SAR1B: variants seen among roughly 807,000 people sequenced by gnomAD.
SAR1B encodes small COPII coat GTPase SAR1B.
A neutral mutation model predicts 26.8 loss-of-function variants in SAR1B; 23 were observed. The ratio of observed to expected loss-of-function variants is 0.86; its 90% CI spans 0.62 to 1.22. The LOEUF (loss-of-function observed/expected upper bound fraction) is 1.22, where lower values mean the gene tolerates loss of function less well. SAR1B is among the 50% of genes most tolerant of loss of function. The pLI is 0.00. For synonymous variants in SAR1B, 65 were observed against 80.8 expected, an observed-to-expected ratio of 0.80 and a Z score of 1.05; for missense variants, 196 against 232.8, an observed-to-expected ratio of 0.84 and a Z score of 1.03.
chr5:134,605,463 TAG>T lies in SAR1B; in HGVS notation c.*1485_*1486del, dbSNP rs1765109217. The T allele has an allele frequency of 6.6e-6, 1 of 152,008 alleles. No individual in the cohort carries two copies. The allele number at this position is 152,008 out of a possible 1,614,324, so 9.4% of individuals were successfully genotyped here. The stretch of plus-strand genomic sequence containing the variant: ...AAAACTAAAATTTTCTTAGTAAGCC[TAG>T]CAATGAGGCTTGCAGGCCCTATCAC... On this transcript the variant is annotated 3_prime_UTR_variant, in exon 7 of 7. Coordinates refer to ENST00000402673, the MANE Select transcript of SAR1B (RefSeq NM_016103.4).
chr5:134,623,504 T>TAAAAAAAA (rs62986962), intron 2 of SAR1B, among the ~76,000 whole-genome samples: 4 of 137,866 alleles, frequency 2.9e-5, no homozygotes, highest in Admixed American at 7.5e-5. Flanking sequence ...TCTATAAAAT[T>TAAAAAAAA]AAAAAAAAAA....
chr5:134,627,813 T>C (rs1474083545), intron 1 of SAR1B, among the ~76,000 whole-genome samples: 1 of 127,480 alleles, frequency 7.8e-6, no homozygotes, highest in Non-Finnish European at 1.6e-5. Flanking sequence ...AATAAATAAA[T>C]AAATAAATAA....
Position 134,606,717 on chromosome 5 carries a change from A to G in SAR1B, c.*233T>C. 4.2e-6 allele frequency: 2 copies of G among 476,774 alleles called. No homozygotes were observed. The highest frequency in any genetic ancestry group is 2.1e-5 in the South Asian group (1 of 47,368). 29.5% of individuals were successfully genotyped at this position (476,774 alleles called of 1,614,324 possible). A position where few individuals can be genotyped will look rare whatever the true frequency, so the allele number is the denominator to read the frequency against. On this transcript the variant is annotated 3_prime_UTR_variant, in exon 7 of 7. Transcript: ENST00000402673. ...TGGCGCTGGGGTGATGTCAGATTAT[A>G]AACTGTAAAAACCAAGTACTTTTAT...
At position 134,608,353 on chromosome 5, in the gene SAR1B, ATT is replaced by A. The variant is rs199526981; in HGVS notation, c.480+17_480+18del. ...TGTAGAATTAAACACACCCATCATA[ATT>A]TTTTTTTTTTTTTTACCTTTCCTGT... On this transcript the variant is annotated intron_variant, in intron 6 of 6. Transcript: ENST00000402673. The A allele has an allele frequency of 0.021, 28,956 of 1,406,818 alleles. No individual in the cohort carries two copies. The highest frequency in any genetic ancestry group is 0.064 in the East Asian group (2,426 of 38,086). The allele number at this position is 1,406,818 out of a possible 1,614,324, so 87.1% of individuals were successfully genotyped here.
intron 1 of SAR1B, among the ~76,000 whole-genome samples, chr5:134,624,625 GTTTTTTTTTTT>G (rs66854508): frequency 8.8e-6 from 1 of 113,274 alleles, no homozygotes; most frequent in Non-Finnish European, 1.9e-5. Context: ...AGGGAAGTGA[GTTTTTTTTTTT>G]TTTTTTTTTG....
rs760677874 is a variant in SAR1B at position 134,612,800 on chromosome 5, C to T, written c.179-44G>A. On this transcript the variant is annotated intron_variant, in intron 3 of 6. Coordinates refer to ENST00000402673, the MANE Select transcript of SAR1B (RefSeq NM_016103.4). ...TATTTTTACATGAAAATTAGAAACC[C>T]ATTAATCGTGTAAAAAGTAAAGTAG... 18 of 1,537,288 alleles carry T rather than the reference C, an allele frequency of 1.2e-5. No individual in the cohort carries two copies. In the Admixed American group the frequency reaches 2.4e-4, roughly 20 times the overall value.
At position 134,605,456 on chromosome 5, in the gene SAR1B, G is replaced by GGGCC. The variant is rs1765109082; in HGVS notation, c.*1493_*1494insGGCC. The GGGCC allele has an allele frequency of 6.6e-6, 1 of 151,848 alleles. No individual in the cohort carries two copies. The allele number at this position is 151,848 out of a possible 1,614,324, so 9.4% of individuals were successfully genotyped here. A position where few individuals can be genotyped will look rare whatever the true frequency, so the allele number is the denominator to read the frequency against. On this transcript the variant is annotated 3_prime_UTR_variant, in exon 7 of 7. Coordinates refer to ENST00000402673, the MANE Select transcript of SAR1B (RefSeq NM_016103.4). The stretch of plus-strand genomic sequence containing the variant: ...CTTTTGAAAAACTAAAATTTTCTTA[G>GGGCC]TAAGCCTAGCAATGAGGCTTGCAGG...
At chr5:134,631,004 C>T (rs1321804509) in intron 1 of SAR1B, among the ~76,000 whole-genome samples, 1 of 147,202 alleles carries the variant, frequency 6.8e-6, no homozygotes, top group Non-Finnish European at 1.5e-5. Flanking sequence ...TTCAAGCAAA[C>T]CCCCCATCTC....
Position 134,612,680 on chromosome 5 carries a change from A to AAAAAAAAATAACATT in SAR1B, c.244+10_244+11insAATGTTATTTTTTTT. 1 of 1,043,434 alleles carries AAAAAAAAATAACATT rather than the reference A, an allele frequency of 9.6e-7. No homozygotes were observed. Among genetic ancestry groups the AAAAAAAAATAACATT allele is most frequent in the Non-Finnish European group, 1.3e-6 (1 of 760,638 alleles). The allele number at this position is 1,043,434 out of a possible 1,614,324, so 64.6% of individuals were successfully genotyped here. ...AAAAAAAAAAAAAAAAAAAAAAAAA[A>AAAAAAAAATAACATT]AGAATCTTACCTTGAACATGTCCAC... On this transcript the variant is annotated intron_variant, in intron 4 of 6. Transcript: ENST00000402673.
At chr5:134,631,518 A>G (rs1765605896) in intron 1 of SAR1B, 1 of 152,058 alleles carries the variant, frequency 6.6e-6, no homozygotes, top group African/African-American at 2.4e-5. Context: ...AATGTGACCT[A>G]CTCTTCACTG....
chr5:134,615,145 G>C (rs552860632), intron 3 of SAR1B, among the ~76,000 whole-genome samples: 10 of 152,046 alleles, frequency 6.6e-5, no homozygotes, highest in African/African-American at 2.4e-4. Flanking sequence ...TCAGGAGATC[G>C]AGACCATCCT....
chr5:134,632,531 C>A (rs1765626623), intron 1 of SAR1B, among the ~76,000 whole-genome samples, 197 bp downstream of exon 1: 1 of 152,198 alleles, frequency 6.6e-6, no homozygotes, highest in South Asian at 2.1e-4. Flanking sequence ...GCCTCGAGGG[C>A]TATCAGACGG....
At chr5:134,610,955 T>C (rs976755140) in intron 4 of SAR1B, among the ~76,000 whole-genome samples, 1 of 151,942 alleles carries the variant, frequency 6.6e-6, no homozygotes, top group Non-Finnish European at 1.5e-5. Flanking sequence ...CCTCAGACTC[T>C]TGAGCTCAAG....
intron 4 of SAR1B, 107 bp downstream of exon 4, chr5:134,612,584 G>T: frequency 1.9e-6 from 2 of 1,079,604 alleles, no homozygotes; most frequent in Non-Finnish European, 2.5e-6. Context: ...GGCAGAGGTT[G>T]CAGTGAGCTG....
chr5:134,610,390 C>A (rs2150050366), intron 4 of SAR1B, among the ~76,000 whole-genome samples: 1 of 152,010 alleles, frequency 6.6e-6, no homozygotes. Flanking sequence ...AGGTGGATCA[C>A]CTGAGGTCAG....
At chr5:134,626,550 C>T (rs1322060044) in intron 1 of SAR1B, among the ~76,000 whole-genome samples, 4 of 152,060 alleles carry the variant, frequency 2.6e-5, no homozygotes, top group Admixed American at 2.0e-4. Flanking sequence ...AACATACACA[C>T]GTCAGCAGAT....
At chr5:134,626,425 A>C (rs529253672) in intron 1 of SAR1B, among the ~76,000 whole-genome samples, 1 of 152,092 alleles carries the variant, frequency 6.6e-6, no homozygotes, top group Non-Finnish European at 1.5e-5. Context: ...AAAAATGCCC[A>C]ACTAAGAATA....
intron 1 of SAR1B, among the ~76,000 whole-genome samples, chr5:134,628,163 T>C (rs143110258): frequency 4.0e-5 from 6 of 150,262 alleles, no homozygotes; most frequent in African/African-American, 1.5e-4. Flanking sequence ...AGAAAAAAAA[T>C]ACATATTTAG....
rs978733694 is a variant in SAR1B, at chr5:134,602,808, G to C, written c.*4142C>G. 6.6e-5 allele frequency: 10 copies of C among 152,138 alleles called. No homozygotes were observed. Among genetic ancestry groups the C allele is most frequent in the African/African-American group, 1.9e-4 (8 of 41,498 alleles). The allele number at this position is 152,138 out of a possible 1,614,324, so 9.4% of individuals were successfully genotyped here. ...CACGAGAATCGCTTGAACCTGGGAA[G>C]CAGAGGTTGCAGTGAGCCAAGATCG... On this transcript the variant is annotated 3_prime_UTR_variant, in exon 7 of 7. Transcript: ENST00000402673.
Sources: allele counts gnomAD v4.1 joint callset (sites outside exome capture counted in the v4.1 genomes callset), GRCh38; gene constraint gnomAD v4.1.1; transcripts MANE v1.5; gene names NCBI Gene and HGNC (gene_info 2026-07-23, HGNC 2026-07-21).